The following CTNND2 variants were observed in gnomAD, a reference collection of about 807,000 sequenced individuals.
CTNND2 encodes the protein catenin delta 2, also known as catenin delta-2.
In CTNND2, 22 loss-of-function variants were observed where a neutral mutation model predicts 144.4. That is an observed-to-expected ratio of 0.15 (90% CI 0.11 to 0.22). The LOEUF (loss-of-function observed/expected upper bound fraction) is 0.22, where lower values mean the gene tolerates loss of function less well. Ranked by LOEUF, CTNND2 falls within the 10% of genes least tolerant of loss-of-function variation. The probability of loss-of-function intolerance (pLI) is 1.00; values close to 1 mark genes in which losing one functional copy is unlikely to be tolerated. For missense variants in CTNND2, 1,353 were observed against 1,618.8 expected (o/e 0.84, Z 2.82); for synonymous variants, 751 against 695.6 (o/e 1.08, Z -1.25).
At chr5:11,723,204 T>A (rs1016410863) in intron 2 of CTNND2, among the ~76,000 whole-genome samples, 1 of 152,178 alleles carries the variant, frequency 6.6e-6, no homozygotes, top group Non-Finnish European at 1.5e-5. Flanking sequence ...TGTACTAATA[T>A]GGTAGGTTTT....
At chr5:11,003,458 A>T (rs1740170120) in intron 18 of CTNND2, among the ~76,000 whole-genome samples, 1 of 152,228 alleles carries the variant, frequency 6.6e-6, no homozygotes, top group Non-Finnish European at 1.5e-5. Flanking sequence ...GAGTGGAAGA[A>T]ACCTATTAAT....
chr5:11,425,043 G>A (rs1038491110), intron 3 of CTNND2, among the ~76,000 whole-genome samples: 10 of 152,182 alleles, frequency 6.6e-5, no homozygotes, highest in Admixed American at 6.5e-4. Context: ...TGCTGCTACT[G>A]AAGGAAAACT....
At chr5:11,238,627 G>C (rs1411025102) in intron 9 of CTNND2, among the ~76,000 whole-genome samples, 1 of 152,154 alleles carries the variant, frequency 6.6e-6, no homozygotes. Context: ...GAAAGATAAA[G>C]CATTCTATTT....
chr5:11,145,878 C>A (rs1209480290), intron 12 of CTNND2, among the ~76,000 whole-genome samples: 2 of 152,186 alleles, frequency 1.3e-5, no homozygotes, highest in African/African-American at 2.4e-5. Flanking sequence ...TGGCTGGCCA[C>A]ACTGAGCCAC....
chr5:11,780,612 A>T (rs545513337), intron 1 of CTNND2, among the ~76,000 whole-genome samples: 1 of 151,918 alleles, frequency 6.6e-6, no homozygotes, highest in South Asian at 2.1e-4. Flanking sequence ...GAATCCAGGG[A>T]CCCCCATTCC....
At chr5:11,230,914 C>T (rs1159742880) in intron 10 of CTNND2, among the ~76,000 whole-genome samples, 1 of 152,160 alleles carries the variant, frequency 6.6e-6, no homozygotes, top group African/African-American at 2.4e-5. Flanking sequence ...CCCACCCAGC[C>T]CTCCCTCCTC....
intron 12 of CTNND2, among the ~76,000 whole-genome samples, chr5:11,152,243 T>C (rs73051687): frequency 0.1 from 15,580 of 152,238 alleles, 1,257 homozygotes; most frequent in African/African-American, 0.22. Context: ...CTTAATGATA[T>C]TATGCAGTAA....
At chr5:11,192,562 T>G (rs1044472960) in intron 11 of CTNND2, among the ~76,000 whole-genome samples, 3 of 152,098 alleles carry the variant, frequency 2.0e-5, no homozygotes, top group Non-Finnish European at 4.4e-5. Context: ...GAGAATCATT[T>G]CTGGCAGTGA....
intron 1 of CTNND2, among the ~76,000 whole-genome samples, chr5:11,770,828 G>A (rs1421672171): frequency 6.6e-6 from 1 of 152,154 alleles, no homozygotes; most frequent in African/African-American, 2.4e-5. Context: ...GAGAGACACA[G>A]AGACAGAGAC....
chr5:11,394,618 A>G (rs763720040), intron 6 of CTNND2, among the ~76,000 whole-genome samples: 1 of 152,226 alleles, frequency 6.6e-6, no homozygotes, highest in Non-Finnish European at 1.5e-5. Flanking sequence ...CAGAAGAATG[A>G]TTTTAAAGAG....
At chr5:11,461,322 A>G (rs901615134) in intron 3 of CTNND2, among the ~76,000 whole-genome samples, 7 of 152,184 alleles carry the variant, frequency 4.6e-5, no homozygotes, top group Admixed American at 2.6e-4. Flanking sequence ...CCGAGAGAAC[A>G]CAGTACAACT....
intron 12 of CTNND2, among the ~76,000 whole-genome samples, chr5:11,143,324 G>T (rs1756927264): frequency 6.6e-6 from 1 of 152,232 alleles, no homozygotes; most frequent in Admixed American, 6.5e-5. Context: ...AAGCTGGGTG[G>T]CTTAAGCAAC....
chr5:11,101,615 A>T (rs2905993), intron 14 of CTNND2, among the ~76,000 whole-genome samples: 12,702 of 152,298 alleles, frequency 0.083, 1,747 homozygotes, highest in African/African-American at 0.29. Flanking sequence ...CAGTGACCAC[A>T]CAGTGATTCA....
At chr5:11,191,803 TGTG>T (rs1736270872) in intron 11 of CTNND2, among the ~76,000 whole-genome samples, 1 of 148,168 alleles carries the variant, frequency 6.7e-6, no homozygotes, top group Non-Finnish European at 1.5e-5. Context: ...GTATCACTCA[TGTG>T]GCAGATTTGC....
At chr5:11,535,600 T>G (rs1774137166) in intron 3 of CTNND2, among the ~76,000 whole-genome samples, 1 of 152,204 alleles carries the variant, frequency 6.6e-6, no homozygotes, top group Non-Finnish European at 1.5e-5. Context: ...GAAGCAAAAC[T>G]AAATGCATGA....
intron 10 of CTNND2, among the ~76,000 whole-genome samples, chr5:11,204,207 C>T (rs560869851): frequency 6.6e-6 from 1 of 152,146 alleles, no homozygotes; most frequent in Non-Finnish European, 1.5e-5. Context: ...CTATGCCCTG[C>T]CTGTCTTTTG....
At chr5:11,187,483 C>T (rs1341244278) in intron 11 of CTNND2, among the ~76,000 whole-genome samples, 2 of 152,130 alleles carry the variant, frequency 1.3e-5, no homozygotes, top group African/African-American at 4.8e-5. Flanking sequence ...AAATGTAAAA[C>T]CCAAAACTAT....
intron 5 of CTNND2, among the ~76,000 whole-genome samples, chr5:11,407,019 G>T (rs1173442675): frequency 6.6e-6 from 1 of 151,924 alleles, no homozygotes; most frequent in East Asian, 1.9e-4. Flanking sequence ...TTTTTTCCAG[G>T]TTATCCTTTC....
chr5:11,656,567 C>CA lies in CTNND2; in HGVS notation c.174+75568dup, dbSNP rs530185202. 3.2e-3 allele frequency among the ~76,000 whole-genome samples: 493 copies of CA among 152,198 alleles called. 2 individuals carry two copies. The highest frequency in any genetic ancestry group is 3.4e-3 in the Non-Finnish European group (232 of 67,982). On this transcript the variant is annotated intron_variant, in intron 2 of 21. Transcript: ENST00000304623. Reference sequence around the variant, plus strand: ...CAAACACACATTGCACTGTTACCACCAATGACCCCACCACCCACCAATTTC... The same window carrying CA: ...CAAACACACATTGCACTGTTACCACCAAATGACCCCACCACCCACCAATTTC...
Sources: gnomAD v4.1 joint callset for allele counts (sites outside exome capture counted in the v4.1 genomes callset) on GRCh38, gnomAD v4.1.1 for gene constraint, MANE v1.5 for transcripts, NCBI Gene and HGNC (gene_info 2026-07-23, HGNC 2026-07-21) for gene names.